Variants in PPP6R1 observed in about 807,000 individuals in gnomAD.
The protein encoded by PPP6R1 is protein phosphatase 6 regulatory subunit 1.
In PPP6R1, 39 loss-of-function variants were observed where a neutral mutation model predicts 104.6. That is an observed-to-expected ratio of 0.37 (90% CI 0.29 to 0.49). The LOEUF (loss-of-function observed/expected upper bound fraction) is 0.49. Among genes scored for constraint, PPP6R1 ranks in the 20% least tolerant of loss-of-function variants. The pLI is 0.98. For synonymous variants in PPP6R1, 549 were observed against 479.0 expected, an observed-to-expected ratio of 1.15 and a Z score of -1.91; for missense variants, 1,181 against 1,155.8, an observed-to-expected ratio of 1.02 and a Z score of -0.32.
intron 17 of PPP6R1, among the ~76,000 whole-genome samples, chr19:55,234,762 C>T (rs1367916215): frequency 6.6e-6 from 1 of 152,158 alleles, no homozygotes; most frequent in African/African-American, 2.4e-5. Flanking sequence ...CCCCACTGCA[C>T]GAGAGCCAGG....
Position 55,241,180 on chromosome 19 carries a change from C to T in PPP6R1, c.1161+59G>A. 6.7e-7 allele frequency: 1 copy of T among 1,481,776 alleles called. No homozygotes were observed. Among genetic ancestry groups the T allele is most frequent in the Non-Finnish European group, 9.0e-7 (1 of 1,112,154 alleles). 91.8% of individuals were successfully genotyped at this position (1,481,776 alleles called of 1,614,324 possible). ...GCCCCCACCCCAGCCCCCGAACCCT[C>T]AGCCCAGTCCAGTCCCCGCCCCAGC... On this transcript the variant is annotated intron_variant, in intron 9 of 23. Coordinates refer to ENST00000412770, the MANE Select transcript of PPP6R1 (RefSeq NM_014931.4). This position sits in a 1 kb window ranked among gnomAD's most constrained non-coding sequence, Gnocchi z 5.4.
At chr19:55,228,741 T>A, downstream of PPP6R1, 1 of 1,613,082 alleles carries the variant, frequency 6.2e-7, no homozygotes, top group Non-Finnish European at 8.5e-7. Flanking sequence ...CCAGCGTCCA[T>A]GCTGGCCTGA....
At chr19:55,254,175 G>A (rs535212361) in intron 1 of PPP6R1, among the ~76,000 whole-genome samples, 70 of 152,336 alleles carry the variant, frequency 4.6e-4, no homozygotes, top group African/African-American at 1.5e-3. Flanking sequence ...TACGGCAGGC[G>A]CCATGCACCC....
chr19:55,230,614 G>A lies in PPP6R1; in HGVS notation c.2641C>T (p.Gln881Ter). The A allele has an allele frequency of 3.7e-6, 6 of 1,612,214 alleles. No homozygotes were observed. Among genetic ancestry groups the A allele is most frequent in the Non-Finnish European group, 5.1e-6 (6 of 1,179,074 alleles). ...GCCCGAGGCTGCAGCCACACTCACT[G>A]GGAGCCTGGGGATGCAGGCCCTTCC... The part of the protein sequence containing the change: ...APEGPASPGS[Q>*] Residue 881 changes from glutamine (Q) to a stop codon, truncating the protein, a stop_gained and splice_region_variant, in exon 23 of 24, where the codon CAA becomes TAA. Coordinates refer to ENST00000412770, the MANE Select transcript of PPP6R1 (RefSeq NM_014931.4). LOFTEE classifies it high-confidence loss of function.
Position 55,236,703 on chromosome 19 carries a change from C to T in PPP6R1, c.1928G>A (p.Gly643Asp). The T allele has an allele frequency of 6.2e-7, 1 of 1,612,082 alleles. No homozygotes were observed. The highest frequency in any genetic ancestry group is 8.5e-7 in the Non-Finnish European group (1 of 1,179,048). Residue 643 changes from glycine (G) to aspartate (D), a missense_variant, in exon 17 of 24, where the codon GGC (glycine) becomes GAC (aspartate). By Grantham distance (94) the Gly-to-Asp change is moderately conservative. Around this residue, in one of 2 missense-constraint regions of PPP6R1, gnomAD observed 1,042 missense variants for 955.6 expected, o/e 1.09. Coordinates refer to ENST00000412770, the MANE Select transcript of PPP6R1 (RefSeq NM_014931.4). ...GGCCAGCTGGCTGCCCTGCCAGGCG[C>T]CATCTTCTCCATCAGACTCCCCTGA... The part of the protein sequence containing the change: ...QGSGESDGED[G>D]AWQGSQLARG...
chr19:55,228,803 G>A, downstream of PPP6R1: 4 of 1,554,252 alleles, frequency 2.6e-6, no homozygotes, highest in Non-Finnish European at 3.5e-6. Flanking sequence ...GGGTGGAGGG[G>A]AGGGCTCATG....
At chr19:55,238,265 C>G (rs2087416955) in intron 15 of PPP6R1, among the ~76,000 whole-genome samples, 1 of 152,230 alleles carries the variant, frequency 6.6e-6, no homozygotes, top group South Asian at 2.1e-4. Flanking sequence ...AAGACCAACG[C>G]TCTGCAAGTC....
At chr19:55,242,632 C>G in intron 5 of PPP6R1, 144 bp from the exon 6 acceptor site, 1 of 687,438 alleles carries the variant, frequency 1.5e-6, no homozygotes, top group Non-Finnish European at 2.6e-6. Context: ...AGGAGGAGGG[C>G]ACAGAGGCAC....
rs1455302694 is a variant in PPP6R1 at position 55,239,139 on chromosome 19, C to G, written c.1751+266G>C. The G allele has an allele frequency of 6.3e-6, 3 of 479,492 alleles. No homozygotes were observed. In the Admixed American group the frequency reaches 1.0e-4, roughly 16 times the overall value. 29.7% of individuals were successfully genotyped at this position (479,492 alleles called of 1,614,324 possible). A position where few individuals can be genotyped will look rare whatever the true frequency, so the allele number is the denominator to read the frequency against. On this transcript the variant is annotated intron_variant, in intron 15 of 23. Transcript: ENST00000412770. ...AGTGGGAGGGACCCGCTCTGTGTCCCCAGCACAGAAGATGTTTGTGCCCCA... is the reference window on the plus strand; with the variant it reads ...AGTGGGAGGGACCCGCTCTGTGTCCGCAGCACAGAAGATGTTTGTGCCCCA...
Position 55,245,199 on chromosome 19 carries a change from G to T in PPP6R1, c.553-14C>A. On this transcript the variant is annotated splice_polypyrimidine_tract_variant and intron_variant, in intron 4 of 23. Transcript: ENST00000412770. The surrounding 1 kb of genome is among the most constrained non-coding windows in gnomAD (Gnocchi z 6.4). Reference sequence around the variant, plus strand: ...CTCGTTGAGCCACTGAGGGTGAGAAGGCGAGGGATGCATCGCTGTCCACCA... The same window carrying T: ...CTCGTTGAGCCACTGAGGGTGAGAATGCGAGGGATGCATCGCTGTCCACCA... 6.2e-7 allele frequency: 1 copy of T among 1,611,624 alleles called. No individual in the cohort carries two copies. The highest frequency in any genetic ancestry group is 1.1e-5 in the South Asian group (1 of 90,522).
chr19:55,233,511 T>C (rs959992944), intron 17 of PPP6R1, among the ~76,000 whole-genome samples: 1 of 152,176 alleles, frequency 6.6e-6, no homozygotes, highest in Non-Finnish European at 1.5e-5. Flanking sequence ...GAAAATGAAC[T>C]CTATTCACAT....
rs763032921 is a variant in PPP6R1 at position 55,245,477 on chromosome 19, T to G, written c.414+15A>C. ...CCCTCAACCCACGGTGGCGCCAGGG[T>G]GGGGGCCAGGGCACCTGGTCTGTCT... On this transcript the variant is annotated intron_variant, in intron 3 of 23. Coordinates refer to ENST00000412770, the MANE Select transcript of PPP6R1 (RefSeq NM_014931.4). This position sits in a 1 kb window ranked among gnomAD's most constrained non-coding sequence, Gnocchi z 6.4. 6.2e-7 allele frequency: 1 copy of G among 1,609,422 alleles called. No homozygotes were observed. Among genetic ancestry groups the G allele is most frequent in the Non-Finnish European group, 8.5e-7 (1 of 1,177,904 alleles).
At chr19:55,252,829 C>T (rs150348292) in intron 1 of PPP6R1, among the ~76,000 whole-genome samples, 2,030 of 152,232 alleles carry the variant, frequency 0.013, 24 homozygotes, top group African/African-American at 0.029. Context: ...TGAGCCACTG[C>T]GCCTGGCTGT....
chr19:55,234,077 G>A (rs965792710), intron 17 of PPP6R1, among the ~76,000 whole-genome samples: 2 of 152,178 alleles, frequency 1.3e-5, no homozygotes, highest in Non-Finnish European at 2.9e-5. Context: ...AGCCTCCTGA[G>A]TAGCTGGGAT....
At chr19:55,237,342 G>A (rs1190265841) in intron 15 of PPP6R1, among the ~76,000 whole-genome samples, 5 of 152,102 alleles carry the variant, frequency 3.3e-5, no homozygotes, top group Non-Finnish European at 7.4e-5. Flanking sequence ...TCTGTAGGAG[G>A]CTGACACTCA....
chr19:55,238,952 C>T (rs1223543432), intron 15 of PPP6R1: 1 of 172,448 alleles, frequency 5.8e-6, no homozygotes, highest in East Asian at 1.7e-4. Flanking sequence ...TTTGTTACCC[C>T]GAGGCCTGTG....
At chr19:55,252,572 G>A (rs535251605) in intron 1 of PPP6R1, among the ~76,000 whole-genome samples, 1 of 152,154 alleles carries the variant, frequency 6.6e-6, no homozygotes, top group Non-Finnish European at 1.5e-5. Flanking sequence ...ATTTTTGTGT[G>A]TGTTTTTTTA....
At chr19:55,256,677 G>T (rs2087595925) in intron 1 of PPP6R1, among the ~76,000 whole-genome samples, 1 of 152,134 alleles carries the variant, frequency 6.6e-6, no homozygotes, top group African/African-American at 2.4e-5. Flanking sequence ...ACAAACATTA[G>T]CCAAGCGTGG....
chr19:55,245,773 T>C lies in PPP6R1; in HGVS notation c.228-95A>G. The C allele has an allele frequency of 9.2e-7, 1 of 1,081,436 alleles. No homozygotes were observed. The highest frequency in any genetic ancestry group is 2.6e-5 in the East Asian group (1 of 39,092). The allele number at this position is 1,081,436 out of a possible 1,614,324, so 67.0% of individuals were successfully genotyped here. On this transcript the variant is annotated intron_variant, in intron 2 of 23. Coordinates refer to ENST00000412770, the MANE Select transcript of PPP6R1 (RefSeq NM_014931.4). This position sits in a 1 kb window ranked among gnomAD's most constrained non-coding sequence, Gnocchi z 6.4. ...CCTCTTCTCTGCACCGGGCACTGGG[T>C]TTCTGGGAACTGCAGAGACCCCTGT...
Sources: gnomAD v4.1 joint callset for allele counts (sites outside exome capture counted in the v4.1 genomes callset) on GRCh38, gnomAD v4.1.1 for gene constraint, gnomAD v4.1.1 regional missense constraint, Gnocchi (gnomAD v3.1) non-coding constraint, MANE v1.5 for transcripts, NCBI Gene and HGNC (gene_info 2026-07-23, HGNC 2026-07-21) for gene names.